KIF1A: variants seen among roughly 807,000 people sequenced by gnomAD.
The protein encoded by KIF1A is kinesin-like protein KIF1A.
KIF1A carries 46 observed loss-of-function variants against 227.3 expected under a neutral mutation model. That is an observed-to-expected ratio of 0.20 (90% CI 0.16 to 0.26). The LOEUF is 0.26. Ranked by LOEUF, KIF1A falls within the 10% of genes least tolerant of loss-of-function variation. The probability of loss-of-function intolerance (pLI) is 1.00; values close to 1 mark genes in which losing one functional copy is unlikely to be tolerated. For missense variants in KIF1A, 1,683 were observed against 2,485.9 expected, an observed-to-expected ratio of 0.68 and a Z score of 6.87; for synonymous variants, 1,022 against 1,012.8, an observed-to-expected ratio of 1.01 and a Z score of -0.17.
chr2:240,762,696 G>A (rs1559507677), intron 23 of KIF1A, 23 bp downstream of exon 23: 5 of 1,563,324 alleles, frequency 3.2e-6, no homozygotes, highest in South Asian at 1.2e-5. Flanking sequence ...GACGCAGCAG[G>A]TGCTGGCCCA....
chr2:240,815,857 A>G (rs1445310514), intron 1 of KIF1A, among the ~76,000 whole-genome samples: 1 of 152,206 alleles, frequency 6.6e-6, no homozygotes, highest in Non-Finnish European at 1.5e-5. Context: ...CACCTGGCTC[A>G]GTGGGGTCCG....
chr2:240,783,141 G>C (rs1325265559), intron 8 of KIF1A, 32 bp from the exon 9 acceptor site: 2 of 1,579,910 alleles, frequency 1.3e-6, no homozygotes, highest in African/African-American at 2.7e-5. Flanking sequence ...GGGTTGGGAT[G>C]CTGGGGACCC....
chr2:240,774,788 A>G (rs1004890342), intron 11 of KIF1A, among the ~76,000 whole-genome samples: 11 of 152,310 alleles, frequency 7.2e-5, no homozygotes, highest in African/African-American at 2.4e-4. Context: ...AACCTCAGCC[A>G]TCGGAAAAGA....
At chr2:240,762,455 G>A (rs2050644503) in intron 23 of KIF1A, among the ~76,000 whole-genome samples, 1 of 152,238 alleles carries the variant, frequency 6.6e-6, no homozygotes, top group Admixed American at 6.5e-5. Context: ...GTGTGTACAT[G>A]TGTGCACGTG....
chr2:240,722,457 T>C lies in KIF1A; in HGVS notation c.4664A>G (p.Lys1555Arg). ...GTACTGCCCACCAGCTGGACCCACC[T>C]TGACGGCCAGCTCCCGCTGCCTCTC... Reference protein sequence around the residue: ...PNERQRELAVKCLRLLTHTFN... With the variant: ...PNERQRELAVRCLRLLTHTFN... The change falls in exon 43 of 49, where the codon AAG becomes AGG. Residue 1555 changes from lysine to arginine, a missense_variant and splice_region_variant. Physicochemically the swap from Lys to Arg is conservative, Grantham distance 26 (BLOSUM62 2). Around this residue, in one of 12 missense-constraint regions of KIF1A, gnomAD observed 384 missense variants for 410.1 expected, o/e 0.94. Coordinates refer to ENST00000498729, the MANE Select transcript of KIF1A (RefSeq NM_001244008.2). The C allele has an allele frequency of 6.5e-7, 1 of 1,545,886 alleles. No individual in the cohort carries two copies. The highest frequency in any genetic ancestry group is 8.7e-7 in the Non-Finnish European group (1 of 1,146,644).
At chr2:240,723,079 G>A (rs1040721877) in intron 42 of KIF1A, among the ~76,000 whole-genome samples, 5 of 152,232 alleles carry the variant, frequency 3.3e-5, no homozygotes, top group Non-Finnish European at 2.9e-5. Context: ...GATGCTGCAT[G>A]TTGGTTTCCC....
At chr2:240,761,864 AG>A (rs929868898) in intron 23 of KIF1A, among the ~76,000 whole-genome samples, 5 of 152,114 alleles carry the variant, frequency 3.3e-5, no homozygotes, top group Non-Finnish European at 7.4e-5. Context: ...AGTGGGGAGC[AG>A]GGCCCACAGG....
chr2:240,717,981 G>A lies in KIF1A; in HGVS notation c.5333+69C>T, dbSNP rs1235451557. The A allele has an allele frequency of 4.1e-6, 4 of 974,824 alleles. No individual in the cohort carries two copies. The South Asian group carries it at 4.1e-5, about 10-fold the overall frequency. 60.4% of individuals were successfully genotyped at this position (974,824 alleles called of 1,614,324 possible). Reference sequence around the variant, plus strand: ...GTCCTGCAGCAGGGCCCTATCAAATGGTCCTGGCCAGGAGCCGGTTGAGGG... The same window carrying A: ...GTCCTGCAGCAGGGCCCTATCAAATAGTCCTGGCCAGGAGCCGGTTGAGGG... On this transcript the variant is annotated intron_variant, in intron 48 of 48. Coordinates refer to ENST00000498729, the MANE Select transcript of KIF1A (RefSeq NM_001244008.2).
chr2:240,735,016 T>G (rs2047163265), intron 38 of KIF1A, among the ~76,000 whole-genome samples: 1 of 152,144 alleles, frequency 6.6e-6, no homozygotes, highest in African/African-American at 2.4e-5. Context: ...ATCATGGGGC[T>G]GAGGACGCCA....
At chr2:240,721,733 G>A (rs758532269) in intron 44 of KIF1A, 74 bp downstream of exon 44, 280 of 1,238,966 alleles carry the variant, frequency 2.3e-4, no homozygotes, top group Non-Finnish European at 3.0e-4. Context: ...TGGAATGGGA[G>A]TTTTCCTCAG....
At chr2:240,723,220 T>C (rs771625972) in intron 42 of KIF1A, among the ~76,000 whole-genome samples, 193 bp downstream of exon 42, 29 of 152,192 alleles carry the variant, frequency 1.9e-4, no homozygotes, top group Non-Finnish European at 1.2e-4. Context: ...CTGGCCATGT[T>C]TCTGTCATAC....
chr2:240,730,904 A>G (rs538294063), intron 38 of KIF1A, among the ~76,000 whole-genome samples: 1 of 152,230 alleles, frequency 6.6e-6, no homozygotes, highest in South Asian at 2.1e-4. Flanking sequence ...CCGCAGCATG[A>G]GCCTGCTCTG....
intron 2 of KIF1A, among the ~76,000 whole-genome samples, chr2:240,797,295 G>A (rs968357745): frequency 1.1e-4 from 16 of 152,304 alleles, no homozygotes; most frequent in Admixed American, 6.5e-4. Flanking sequence ...ACGTGACGAC[G>A]GAGGCAGAGA....
intron 28 of KIF1A, among the ~76,000 whole-genome samples, chr2:240,749,096 C>T (rs1373276219): frequency 1.3e-5 from 2 of 151,270 alleles, no homozygotes; most frequent in Non-Finnish European, 2.9e-5. Flanking sequence ...CACTGCACTC[C>T]AGCCTGGCGA....
At chr2:240,819,543 C>G (rs1247284746) in intron 1 of KIF1A, among the ~76,000 whole-genome samples, 2 of 151,704 alleles carry the variant, frequency 1.3e-5, no homozygotes, top group Admixed American at 6.6e-5. Flanking sequence ...GCTCCCGGCT[C>G]CAGCATCCGC....
intron 1 of KIF1A, among the ~76,000 whole-genome samples, chr2:240,811,781 C>G (rs13416949): frequency 0.27 from 40,693 of 151,910 alleles, 6,476 homozygotes; most frequent in African/African-American, 0.44. Flanking sequence ...CTGCTCAGAG[C>G]CAAAGAAGAT....
intron 38 of KIF1A, among the ~76,000 whole-genome samples, chr2:240,734,344 C>G (rs1431511270): frequency 6.6e-6 from 1 of 152,074 alleles, no homozygotes; most frequent in East Asian, 1.9e-4. Context: ...CAGCCAGCAG[C>G]GTGCGGGACA....
Position 240,725,617 on chromosome 2 carries a change from A to G in KIF1A, c.4123-213T>C, listed in dbSNP as rs533845998. ...GGGACAGGTAGCCACAGCTCTGTCCACCCCTGGGCTGCCTGAGGGACTGGT... is the reference window on the plus strand; with the variant it reads ...GGGACAGGTAGCCACAGCTCTGTCCGCCCCTGGGCTGCCTGAGGGACTGGT... On this transcript the variant is annotated intron_variant, in intron 39 of 48. Coordinates refer to ENST00000498729, the MANE Select transcript of KIF1A (RefSeq NM_001244008.2). This position sits in a 1 kb window ranked among gnomAD's most constrained non-coding sequence, Gnocchi z 5.8. 1 of 559,998 alleles carries G rather than the reference A, an allele frequency of 1.8e-6. No individual in the cohort carries two copies. The highest frequency in any genetic ancestry group is 3.1e-6 in the Non-Finnish European group (1 of 319,386). The allele number at this position is 559,998 out of a possible 1,614,324, so 34.7% of individuals were successfully genotyped here.
At position 240,790,006 on chromosome 2, in the gene KIF1A, A is replaced by G. The variant is rs981366526; in HGVS notation, c.107-694T>C. ...CCGGTGCCTGGGGGGGTTTCCCAGG[A>G]GCTGTCCCAGTATGAGTGTCCCAGG... On this transcript the variant is annotated intron_variant, in intron 2 of 48. Transcript: ENST00000498729. This position sits in a 1 kb window ranked among gnomAD's most constrained non-coding sequence, Gnocchi z 5.0. Among the ~76,000 whole-genome samples the G allele has an allele frequency of 4.6e-5, 7 of 152,026 alleles. No homozygotes were observed. Among genetic ancestry groups the G allele is most frequent in the African/African-American group, 1.7e-4 (7 of 41,402 alleles).
Sources: gnomAD v4.1 joint callset for allele counts (sites outside exome capture counted in the v4.1 genomes callset) on GRCh38, gnomAD v4.1.1 for gene constraint, gnomAD v4.1.1 regional missense constraint, Gnocchi (gnomAD v3.1) non-coding constraint, MANE v1.5 for transcripts, NCBI Gene and HGNC (gene_info 2026-07-23, HGNC 2026-07-21) for gene names.